The following NCKAP5 variants were observed in gnomAD, a reference collection of about 807,000 sequenced individuals.
NCKAP5 encodes the protein NCK associated protein 5.
In NCKAP5, 92 loss-of-function variants were observed where a neutral mutation model predicts 167.0. That is an observed-to-expected ratio of 0.55 (90% CI 0.47 to 0.66). The LOEUF (loss-of-function observed/expected upper bound fraction) is 0.66, where lower values mean the gene tolerates loss of function less well. Ranked by LOEUF, NCKAP5 falls within the 30% of genes least tolerant of loss-of-function variation. The pLI, the probability that NCKAP5 is intolerant of heterozygous loss-of-function variation, is 0.00. For synonymous variants in NCKAP5, 891 were observed against 877.4 expected (o/e 1.02, Z -0.27); for missense variants, 2,378 against 2,315.0 (o/e 1.03, Z -0.56).
At position 133,052,439 on chromosome 2, in the gene NCKAP5, C is replaced by A. The variant is rs532704303; in HGVS notation, c.342-58200G>T. On this transcript the variant is annotated intron_variant, in intron 6 of 19. Coordinates refer to ENST00000409261, the MANE Select transcript of NCKAP5 (RefSeq NM_207363.3). ...AGTATGAAAACTGGAGAGTTTGGGC[C>A]GGGCACGGTGGCTCACGCCTGTAAT... Among the ~76,000 whole-genome samples, 7 of 152,176 alleles carry A rather than the reference C, an allele frequency of 4.6e-5. No individual in the cohort carries two copies. In the South Asian group the frequency reaches 1.5e-3, roughly 32 times the overall value.
intron 7 of NCKAP5, among the ~76,000 whole-genome samples, chr2:132,965,903 T>TG: frequency 2.1e-5 from 3 of 145,668 alleles, no homozygotes; most frequent in African/African-American, 8.1e-5. Flanking sequence ...TACATGACTC[T>TG]TTGTGTGTGT....
At chr2:132,869,029 C>A in intron 9 of NCKAP5, 55 bp from the exon 10 acceptor site, 1 of 1,272,112 alleles carries the variant, frequency 7.9e-7, no homozygotes, top group Non-Finnish European at 1.1e-6. Flanking sequence ...TTATATGCAC[C>A]GACTCTAATT....
intron 5 of NCKAP5, among the ~76,000 whole-genome samples, chr2:133,194,525 C>T (rs2085356221): frequency 6.6e-6 from 1 of 151,966 alleles, no homozygotes; most frequent in African/African-American, 2.4e-5. Flanking sequence ...GCTCTCATGC[C>T]AAGGACACTG....
At chr2:133,055,494 T>C (rs2079766564) in intron 6 of NCKAP5, among the ~76,000 whole-genome samples, 1 of 149,162 alleles carries the variant, frequency 6.7e-6, no homozygotes, top group South Asian at 2.1e-4. Flanking sequence ...ATATATAGTT[T>C]ATATATATAT....
At chr2:133,162,487 T>C (rs1396324702) in intron 5 of NCKAP5, among the ~76,000 whole-genome samples, 1 of 152,152 alleles carries the variant, frequency 6.6e-6, no homozygotes, top group East Asian at 1.9e-4. Flanking sequence ...AAAAAAGAAG[T>C]TGAACATTTA....
intron 3 of NCKAP5, among the ~76,000 whole-genome samples, chr2:133,509,731 A>G (rs1683317866): frequency 6.6e-6 from 1 of 152,164 alleles, no homozygotes; most frequent in African/African-American, 2.4e-5. Context: ...CCTGGCATCC[A>G]ATGGGTAGAA....
intron 16 of NCKAP5, among the ~76,000 whole-genome samples, chr2:132,766,335 G>A (rs1177741819): frequency 6.9e-6 from 1 of 143,954 alleles, no homozygotes. Context: ...TAAACCATAT[G>A]AGGCAGAAGG....
At chr2:133,618,802 T>G in the NCKAP5 span, among the ~76,000 whole-genome samples, 1 of 141,522 alleles carries the variant, frequency 7.1e-6, no homozygotes, top group Non-Finnish European at 1.6e-5. Flanking sequence ...ATCCCATTAC[T>G]GGGTATATAC....
intron 5 of NCKAP5, among the ~76,000 whole-genome samples, chr2:133,169,811 C>A (rs2084161799): frequency 6.6e-6 from 1 of 152,142 alleles, no homozygotes; most frequent in Non-Finnish European, 1.5e-5. Flanking sequence ...TATGAAATGA[C>A]CCTGGCAGTT....
intron 6 of NCKAP5, among the ~76,000 whole-genome samples, chr2:133,066,347 T>C (rs2080195592): frequency 6.6e-6 from 1 of 152,214 alleles, no homozygotes; most frequent in African/African-American, 2.4e-5. Context: ...CCGTCTTCTT[T>C]TTTACCCTTC....
At chr2:132,858,814 T>G (rs1689663060) in intron 11 of NCKAP5, among the ~76,000 whole-genome samples, 1 of 152,154 alleles carries the variant, frequency 6.6e-6, no homozygotes, top group African/African-American at 2.4e-5. Flanking sequence ...ATTTAAGAAA[T>G]TTGTGACAGC....
chr2:133,338,847 AAAAAAC>A (rs1265428288), intron 3 of NCKAP5, among the ~76,000 whole-genome samples: 1 of 151,974 alleles, frequency 6.6e-6, no homozygotes, highest in Non-Finnish European at 1.5e-5. Context: ...ATCTCTCCAA[AAAAAAC>A]AAAAACAAAA....
Position 132,731,982 on chromosome 2 carries a change from C to T in NCKAP5, c.5198G>A (p.Arg1733His), listed in dbSNP as rs371367810. 15 of 1,613,614 alleles carry T rather than the reference C, an allele frequency of 9.3e-6. No individual in the cohort carries two copies. The highest frequency in any genetic ancestry group is 1.6e-4 in the Middle Eastern group (1 of 6,082). ...GTFPLPDSGN[R>H]STGRYLCQPD... The stretch of plus-strand genomic sequence containing the variant: ...CTGGCATAGGTAGCGTCCTGTCGAG[C>T]GATTTCCCGAGTCTGGGAGTGGAAA... The change falls in exon 17 of 20, where the codon CGC becomes CAC. Residue 1733 changes from arginine to histidine, a missense_variant. Arg to His is a conservative substitution (Grantham distance 29, BLOSUM62 0). Coordinates refer to ENST00000409261, the MANE Select transcript of NCKAP5 (RefSeq NM_207363.3).
rs1683889448 is a variant in NCKAP5 at position 132,672,633 on chromosome 2, TA to T, written c.*655del. On this transcript the variant is annotated 3_prime_UTR_variant, in exon 20 of 20. Coordinates refer to ENST00000409261, the MANE Select transcript of NCKAP5 (RefSeq NM_207363.3). ...AAACTTCAGTTGGGATTTTAAAAAA[TA>T]TATATTATCATCAACTTCTAAGACT... 1.3e-5 allele frequency: 2 copies of T among 152,644 alleles called. No individual in the cohort carries two copies. The highest frequency in any genetic ancestry group is 1.3e-4 in the Admixed American group (2 of 15,280). The allele number at this position is 152,644 out of a possible 1,614,324, so 9.5% of individuals were successfully genotyped here.
chr2:133,478,227 C>T (rs1680108683), intron 3 of NCKAP5, among the ~76,000 whole-genome samples: 1 of 152,184 alleles, frequency 6.6e-6, no homozygotes, highest in African/African-American at 2.4e-5. Flanking sequence ...CCAGCAAGTC[C>T]ACTGCCCTTT....
chr2:133,250,910 AC>A (rs2088284169), intron 4 of NCKAP5, among the ~76,000 whole-genome samples: 3 of 152,056 alleles, frequency 2.0e-5, no homozygotes, highest in African/African-American at 7.2e-5. Context: ...AGCCTGGGTG[AC>A]AGGGTGAGAC....
the NCKAP5 span, among the ~76,000 whole-genome samples, chr2:133,574,443 G>T: frequency 1.3e-5 from 2 of 152,190 alleles, no homozygotes; most frequent in Non-Finnish European, 2.9e-5. Context: ...CATTTGCCCA[G>T]ATGGCCAGCA....
At chr2:133,535,111 T>G (rs993695325) in intron 2 of NCKAP5, among the ~76,000 whole-genome samples, 1 of 152,198 alleles carries the variant, frequency 6.6e-6, no homozygotes, top group Admixed American at 6.5e-5. Flanking sequence ...TTCATGTGTT[T>G]ATTGGCTACT....
At chr2:133,096,994 T>G (rs967042667) in intron 6 of NCKAP5, among the ~76,000 whole-genome samples, 1 of 152,194 alleles carries the variant, frequency 6.6e-6, no homozygotes, top group African/African-American at 2.4e-5. Context: ...TAATGTAAGT[T>G]CTTTTCTTCC....
Sources: gnomAD v4.1 joint callset for allele counts (sites outside exome capture counted in the v4.1 genomes callset) on GRCh38, gnomAD v4.1.1 for gene constraint, MANE v1.5 for transcripts, NCBI Gene and HGNC (gene_info 2026-07-23, HGNC 2026-07-21) for gene names.